EFHB: variants seen among roughly 807,000 people sequenced by gnomAD.
EFHB encodes EF-hand domain-containing family member B.
EFHB carries 91 observed loss-of-function variants against 87.2 expected under a neutral mutation model. The ratio of observed to expected loss-of-function variants is 1.04; its 90% CI spans 0.88 to 1.24. The LOEUF (loss-of-function observed/expected upper bound fraction) is 1.24, where lower values mean the gene tolerates loss of function less well. EFHB is among the 50% of genes most tolerant of loss of function. EFHB has a pLI of 0.00. For synonymous variants in EFHB, 325 were observed against 333.6 expected (o/e 0.97, Z 0.28); for missense variants, 1,084 against 998.8 (o/e 1.09, Z -1.15).
rs1004782390 is a variant in EFHB at position 19,904,342 on chromosome 3, G to C, written c.1418+1278C>G. On this transcript the variant is annotated intron_variant, in intron 6 of 12. Transcript: ENST00000295824. The stretch of plus-strand genomic sequence containing the variant: ...CAGTAAGGCCACATTTCCTCTAACA[G>C]CTCTAGGGGAGAATTCATTTCTTGC... Among the ~76,000 whole-genome samples the C allele has an allele frequency of 8.5e-5, 13 of 152,310 alleles. No individual in the cohort carries two copies. The East Asian group carries it at 2.1e-3, about 25-fold the overall frequency.
chr3:19,920,224 T>C (rs1356898139), intron 2 of EFHB, among the ~76,000 whole-genome samples: 1 of 152,196 alleles, frequency 6.6e-6, no homozygotes, highest in Non-Finnish European at 1.5e-5. Context: ...ATGTTGTATT[T>C]AGAAAACAAC....
chr3:19,887,856 C>A (rs9865514), intron 10 of EFHB, among the ~76,000 whole-genome samples: 4,363 of 152,084 alleles, frequency 0.029, 209 homozygotes, highest in African/African-American at 0.099. Flanking sequence ...TTGTGTGTTT[C>A]CTGGGAAAGG....
intron 1 of EFHB, among the ~76,000 whole-genome samples, chr3:19,928,267 T>C (rs941962333): frequency 6.6e-6 from 1 of 152,192 alleles, no homozygotes; most frequent in Non-Finnish European, 1.5e-5. Context: ...AAAAAATATA[T>C]ATTTCAATAA....
chr3:19,912,368 A>T (rs778890924), intron 5 of EFHB, among the ~76,000 whole-genome samples: 4 of 152,106 alleles, frequency 2.6e-5, no homozygotes, highest in Non-Finnish European at 5.9e-5. Flanking sequence ...TATCCTTCAC[A>T]CATGATGAAG....
chr3:19,915,109 A>T (rs906581215), intron 5 of EFHB, among the ~76,000 whole-genome samples, 194 bp downstream of exon 5: 3 of 152,008 alleles, frequency 2.0e-5, no homozygotes, highest in Non-Finnish European at 4.4e-5. Flanking sequence ...TTTAAATAAA[A>T]TTTTTTTAAA....
At chr3:19,896,963 T>C (rs1694510738) in intron 8 of EFHB, 122 bp from the exon 9 acceptor site, 3 of 839,006 alleles carry the variant, frequency 3.6e-6, no homozygotes, top group Non-Finnish European at 5.4e-6. Flanking sequence ...AACTCTGACA[T>C]GATTATGCAG....
upstream of EFHB, chr3:19,936,328 C>G (rs749988965): frequency 1.5e-5 from 7 of 472,492 alleles, no homozygotes; most frequent in South Asian, 5.7e-5. Context: ...CCAGCCTGGG[C>G]GACAGACTGA....
chr3:19,900,250 C>CA (rs1294997016), intron 6 of EFHB, among the ~76,000 whole-genome samples: 1 of 149,920 alleles, frequency 6.7e-6, no homozygotes, highest in Non-Finnish European at 1.5e-5. Context: ...CCCATCTCTA[C>CA]AAAAAATGAA....
At chr3:19,932,640 T>G (rs1366868182) in intron 1 of EFHB, among the ~76,000 whole-genome samples, 1 of 152,262 alleles carries the variant, frequency 6.6e-6, no homozygotes, top group Non-Finnish European at 1.5e-5. Flanking sequence ...ATCTTTACAC[T>G]GAGCTCTGTA....
In EFHB at chr3:19,934,188, G is replaced by A; in HGVS notation, c.-170C>T. Reference sequence around the variant, plus strand: ...CTTCCTGCCTGCCTCTTAACACCTAGCCGAGTTCACAGAGGAAAAGATGGA... The same window carrying A: ...CTTCCTGCCTGCCTCTTAACACCTAACCGAGTTCACAGAGGAAAAGATGGA... On this transcript the variant is annotated 5_prime_UTR_variant, in exon 1 of 13. Coordinates refer to ENST00000295824, the MANE Select transcript of EFHB (RefSeq NM_144715.4). 1 of 1,440,330 alleles carries A rather than the reference G, an allele frequency of 6.9e-7. No homozygotes were observed. The highest frequency in any genetic ancestry group is 9.0e-7 in the Non-Finnish European group (1 of 1,105,088). 89.2% of individuals were successfully genotyped at this position (1,440,330 alleles called of 1,614,324 possible). A position where few individuals can be genotyped will look rare whatever the true frequency, so the allele number is the denominator to read the frequency against.
chr3:19,906,850 G>C (rs905381497), intron 5 of EFHB, among the ~76,000 whole-genome samples: 1 of 152,076 alleles, frequency 6.6e-6, no homozygotes, highest in East Asian at 1.9e-4. Context: ...TATGGTACTG[G>C]CATAAAAACA....
At chr3:19,937,708 C>T (rs1427636140), upstream of EFHB, among the ~76,000 whole-genome samples, 2 of 152,152 alleles carry the variant, frequency 1.3e-5, no homozygotes, top group Non-Finnish European at 2.9e-5. Flanking sequence ...TGAGCTCCTC[C>T]AGTACCAAGA....
At chr3:19,898,956 A>G in intron 7 of EFHB, 111 bp from the exon 8 acceptor site, 1 of 1,034,390 alleles carries the variant, frequency 9.7e-7, no homozygotes, top group Non-Finnish European at 1.4e-6. Context: ...TCATAACCAA[A>G]CTATGAAGAT....
chr3:19,914,011 G>A (rs1341950636), intron 5 of EFHB, among the ~76,000 whole-genome samples: 3 of 152,172 alleles, frequency 2.0e-5, no homozygotes, highest in African/African-American at 4.8e-5. Flanking sequence ...TAGTGCAATC[G>A]TGGCTCACTG....
intron 3 of EFHB, among the ~76,000 whole-genome samples, chr3:19,919,337 C>T (rs137992334): frequency 0.017 from 2,514 of 151,698 alleles, 64 homozygotes; most frequent in African/African-American, 0.056. Flanking sequence ...GCTGGGATTA[C>T]AGGCGCCTGC....
chr3:19,907,791 C>T (rs1261294869), intron 5 of EFHB, among the ~76,000 whole-genome samples: 1 of 152,190 alleles, frequency 6.6e-6, no homozygotes, highest in Non-Finnish European at 1.5e-5. Flanking sequence ...TAAAGATATT[C>T]AGCCTCACTA....
intron 1 of EFHB, among the ~76,000 whole-genome samples, chr3:19,926,667 T>G (rs1695639841): frequency 1.1e-5 from 1 of 91,386 alleles, no homozygotes; most frequent in Non-Finnish European, 2.4e-5. Context: ...GCCTGCTTTT[T>G]TATTTTTATT....
In EFHB at chr3:19,933,296, T is replaced by A. The variant is rs755854718; in HGVS notation, c.723A>T (p.Glu241Asp). The change falls in exon 1 of 13, where the codon GAA becomes GAT. Residue 241 changes from glutamate to aspartate, a missense_variant. Physicochemically the swap from Glu to Asp is conservative, Grantham distance 45. Transcript: ENST00000295824. ...KEAGNIESGV[E>D]PPDRIRPIYS... ...ATATGGGTCTGATGCGATCTGGAGG[T>A]TCCACTCCTGATTCAATGTTTCCAG... 3 of 1,613,912 alleles carry A rather than the reference T, an allele frequency of 1.9e-6. No homozygotes were observed. The highest frequency in any genetic ancestry group is 1.7e-6 in the Non-Finnish European group (2 of 1,179,886).
intron 8 of EFHB, 37 bp downstream of exon 8, chr3:19,898,741 G>A: frequency 5.6e-6 from 9 of 1,599,154 alleles, no homozygotes; most frequent in Non-Finnish European, 6.9e-6. Context: ...GTTGCTGTTT[G>A]TTTGGGGTTT....
Sources: allele counts gnomAD v4.1 joint callset (sites outside exome capture counted in the v4.1 genomes callset), GRCh38; gene constraint gnomAD v4.1.1; transcripts MANE v1.5; gene names NCBI Gene and HGNC (gene_info 2026-07-23, HGNC 2026-07-21).